ERBB4: variants seen among roughly 807,000 people sequenced by gnomAD.
ERBB4 encodes receptor tyrosine-protein kinase erbB-4.
Under a neutral mutation model 158.0 loss-of-function variants are expected in ERBB4, and 42 were observed. The observed-to-expected ratio is 0.27, with a 90% confidence interval of 0.21 to 0.34. The LOEUF (loss-of-function observed/expected upper bound fraction) is 0.34, where lower values mean the gene tolerates loss of function less well. Among genes scored for constraint, ERBB4 ranks in the 10% least tolerant of loss-of-function variants. The pLI is 1.00. For missense variants in ERBB4, 1,333 were observed against 1,624.1 expected (o/e 0.82, Z 3.08); for synonymous variants, 583 against 558.7 (o/e 1.04, Z -0.61).
At chr2:211,802,262 CAAA>C (rs55912021) in intron 3 of ERBB4, among the ~76,000 whole-genome samples, 11 of 143,786 alleles carry the variant, frequency 7.7e-5, no homozygotes, top group South Asian at 2.1e-4. Flanking sequence ...CAGTCTCCAA[CAAA>C]AAAAAAAAAA....
At chr2:211,928,191 T>C (rs192073289) in intron 3 of ERBB4, among the ~76,000 whole-genome samples, 2 of 152,210 alleles carry the variant, frequency 1.3e-5, no homozygotes, top group East Asian at 1.9e-4. Flanking sequence ...CACTGAGACC[T>C]TTGCGTGAGT....
chr2:211,713,757 GTT>G, intron 7 of ERBB4, 109 bp from the exon 8 acceptor site: 2 of 701,598 alleles, frequency 2.9e-6, no homozygotes, highest in South Asian at 3.2e-5. Flanking sequence ...CATTGATAGT[GTT>G]TATGTATCTT....
intron 1 of ERBB4, among the ~76,000 whole-genome samples, chr2:212,206,938 A>G (rs2082779734): frequency 6.6e-6 from 1 of 151,880 alleles, no homozygotes; most frequent in Non-Finnish European, 1.5e-5. Context: ...TTAAGGAACC[A>G]TAAGTAGCAT....
At position 211,423,608 on chromosome 2, in the gene ERBB4, G is replaced by GA. The variant is rs969026861; in HGVS notation, c.2866+546dup. 2.2e-4 allele frequency among the ~76,000 whole-genome samples: 33 copies of GA among 151,938 alleles called. 1 individual carries two copies. Among genetic ancestry groups the GA allele is most frequent in the African/African-American group, 7.2e-4 (30 of 41,520 alleles). ...TTTGATGTAAACAAATGATCAAATT[G>GA]AAAAAAGTAAACATTTATAATCTTT... is the stretch of plus-strand genomic sequence containing the variant. On this transcript the variant is annotated intron_variant, in intron 23 of 27. Coordinates refer to ENST00000342788, the MANE Select transcript of ERBB4 (RefSeq NM_005235.3).
intron 1 of ERBB4, among the ~76,000 whole-genome samples, chr2:212,308,507 C>G (rs925762324): frequency 1.3e-5 from 2 of 150,948 alleles, no homozygotes; most frequent in African/African-American, 4.8e-5. Context: ...TCTGAAGAAG[C>G]TTTAAAAGAC....
intron 19 of ERBB4, among the ~76,000 whole-genome samples, chr2:211,570,758 T>C (rs1029902399): frequency 2.6e-5 from 4 of 152,138 alleles, no homozygotes; most frequent in East Asian, 1.9e-4. Flanking sequence ...ACATTAGGGA[T>C]ATTTGTCAGT....
chr2:211,958,318 A>G (rs1447585149), intron 2 of ERBB4, among the ~76,000 whole-genome samples: 2 of 152,170 alleles, frequency 1.3e-5, no homozygotes, highest in African/African-American at 2.4e-5. Context: ...GACTACAAAT[A>G]TAACAAAAAT....
chr2:212,157,803 A>G (rs1575720606), intron 1 of ERBB4, among the ~76,000 whole-genome samples: 1 of 152,216 alleles, frequency 6.6e-6, no homozygotes, highest in East Asian at 1.9e-4. Context: ...TGAATACATG[A>G]CTATCTTCTA....
chr2:212,029,350 T>A (rs1203770129), intron 2 of ERBB4, among the ~76,000 whole-genome samples: 1 of 152,000 alleles, frequency 6.6e-6, no homozygotes, highest in Non-Finnish European at 1.5e-5. Flanking sequence ...GAAAATTCTT[T>A]CGTGGGCTAA....
chr2:211,792,405 T>G (rs1401160757), intron 3 of ERBB4, among the ~76,000 whole-genome samples: 2 of 151,824 alleles, frequency 1.3e-5, no homozygotes, highest in Non-Finnish European at 3.0e-5. Flanking sequence ...AATTCTGTGG[T>G]TAGAGAAAGC....
At chr2:211,691,854 T>C (rs891043921) in intron 12 of ERBB4, among the ~76,000 whole-genome samples, 5 of 152,162 alleles carry the variant, frequency 3.3e-5, no homozygotes, top group African/African-American at 1.2e-4. Flanking sequence ...TGGTACCCTG[T>C]AAACTGGTGA....
At chr2:211,426,672 T>C (rs2063635392) in intron 22 of ERBB4, among the ~76,000 whole-genome samples, 1 of 151,558 alleles carries the variant, frequency 6.6e-6, no homozygotes, top group South Asian at 2.1e-4. Context: ...TGAGCTAATT[T>C]AAATTTGCCT....
intron 17 of ERBB4, among the ~76,000 whole-genome samples, chr2:211,625,163 A>G (rs970059425): frequency 2.6e-5 from 4 of 152,140 alleles, no homozygotes; most frequent in African/African-American, 9.7e-5. Context: ...TGTATGAGTA[A>G]AAGGGCAAGT....
intron 5 of ERBB4, among the ~76,000 whole-genome samples, chr2:211,731,048 T>C (rs181283541): frequency 1.3e-5 from 2 of 152,232 alleles, no homozygotes; most frequent in Admixed American, 1.3e-4. Flanking sequence ...GATGTGCAAG[T>C]AGATATAGGA....
At chr2:211,773,141 G>A (rs1006419943) in intron 4 of ERBB4, among the ~76,000 whole-genome samples, 2 of 150,564 alleles carry the variant, frequency 1.3e-5, no homozygotes, top group Non-Finnish European at 3.0e-5. Flanking sequence ...AAAAGCAGTT[G>A]AGGGAGTGCC....
Position 211,738,230 on chromosome 2 carries a change from T to TTATATGA in ERBB4, c.622+12408_622+12409insTCATATA, listed in dbSNP as rs1420264933. Among the ~76,000 whole-genome samples the TTATATGA allele has an allele frequency of 4.6e-5, 7 of 152,280 alleles. No homozygotes were observed. In the East Asian group the frequency reaches 5.8e-4, roughly 13 times the overall value. On this transcript the variant is annotated intron_variant, in intron 5 of 27. Transcript: ENST00000342788. ...AATTTATAAAGTTGTATGTCATTGA[T>TTATATGA]TATAAGTAATGTCAAGTATTTTTTG...
At chr2:211,900,270 A>G (rs1333582056) in intron 3 of ERBB4, among the ~76,000 whole-genome samples, 1 of 152,148 alleles carries the variant, frequency 6.6e-6, no homozygotes, top group East Asian at 1.9e-4. Context: ...TTCTGAGCGT[A>G]TCAACACAGA....
At chr2:211,567,634 G>T (rs2125736158) in intron 19 of ERBB4, among the ~76,000 whole-genome samples, 1 of 152,212 alleles carries the variant, frequency 6.6e-6, no homozygotes, top group East Asian at 1.9e-4. Context: ...TTAAAAATCT[G>T]TTAGTAAGTC....
At chr2:212,301,690 T>C (rs1230247582) in intron 1 of ERBB4, among the ~76,000 whole-genome samples, 2 of 136,176 alleles carry the variant, frequency 1.5e-5, no homozygotes, top group Non-Finnish European at 3.2e-5. Flanking sequence ...CTTCTAGGCA[T>C]TACCGTTTGC....
Sources: allele counts gnomAD v4.1 joint callset (sites outside exome capture counted in the v4.1 genomes callset), GRCh38; gene constraint gnomAD v4.1.1; transcripts MANE v1.5; gene names NCBI Gene and HGNC (gene_info 2026-07-23, HGNC 2026-07-21).